Variants in PRKACB observed in about 807,000 individuals in gnomAD.
The protein encoded by PRKACB is cAMP-dependent protein kinase catalytic subunit beta.
In PRKACB, 16 loss-of-function variants were observed where a neutral mutation model predicts 51.4. That is an observed-to-expected ratio of 0.31 (90% confidence interval 0.21 to 0.47). The LOEUF is 0.47. Among genes scored for constraint, PRKACB ranks in the 20% least tolerant of loss-of-function variants. The probability of loss-of-function intolerance (pLI) is 1.00; values close to 1 mark genes in which losing one functional copy is unlikely to be tolerated. For missense variants in PRKACB, 309 were observed against 464.5 expected, an observed-to-expected ratio of 0.67 and a Z score of 3.08; for synonymous variants, 147 against 154.4, an observed-to-expected ratio of 0.95 and a Z score of 0.35.
At chr1:84,102,318 C>T (rs1190456835) in intron 1 of PRKACB, among the ~76,000 whole-genome samples, 3 of 151,830 alleles carry the variant, frequency 2.0e-5, no homozygotes, top group African/African-American at 4.8e-5. Flanking sequence ...ATCTGGGAGG[C>T]GGAGGTTGTA....
At chr1:84,205,824 T>A (rs959277452) in intron 8 of PRKACB, among the ~76,000 whole-genome samples, 1 of 151,966 alleles carries the variant, frequency 6.6e-6, no homozygotes, top group Admixed American at 6.6e-5. Flanking sequence ...ACAGAGGAGG[T>A]GGTATTTAAA....
intron 1 of PRKACB, among the ~76,000 whole-genome samples, chr1:84,106,073 G>C (rs1649721677): frequency 6.6e-6 from 1 of 152,110 alleles, no homozygotes; most frequent in Non-Finnish European, 1.5e-5. Context: ...TATACAGGAA[G>C]ATGTGCATAG....
chr1:84,178,142 G>C (rs879602549), intron 1 of PRKACB, among the ~76,000 whole-genome samples: 15 of 151,950 alleles, frequency 9.9e-5, no homozygotes, highest in Admixed American at 9.2e-4. Context: ...ACATTGGTAT[G>C]ACATTTATAA....
Position 84,144,548 on chromosome 1 carries a change from A to G in PRKACB, c.187A>G (p.Met63Val). 6.4e-7 allele frequency: 1 copy of G among 1,557,620 alleles called. No individual in the cohort carries two copies. Among genetic ancestry groups the G allele is most frequent in the Non-Finnish European group, 8.6e-7 (1 of 1,161,152 alleles). ...SEHTALWDRS[M>V]KEFLAKAKED... ...ACATACTGCCTTATGGGACAGATCA[A>G]GTAAGTTTTGTTTTTTAAATGATAC... Residue 63 changes from methionine (M) to valine (V), a missense_variant and splice_region_variant, in exon 1 of 10, where the codon ATG becomes GTG. Transcript: ENST00000370685.
At chr1:84,207,861 A>C (rs975391941) in intron 8 of PRKACB, among the ~76,000 whole-genome samples, 8 of 112,028 alleles carry the variant, frequency 7.1e-5, no homozygotes, top group Non-Finnish European at 1.3e-4. Flanking sequence ...TTTTCTTCTT[A>C]TTCATTTTTA....
At chr1:84,234,735 C>T (rs574421932) in intron 9 of PRKACB, among the ~76,000 whole-genome samples, 52 of 152,270 alleles carry the variant, frequency 3.4e-4, no homozygotes, top group African/African-American at 1.0e-3. Flanking sequence ...TGACCCCTTG[C>T]GCTTCCTGAG....
intron 1 of PRKACB, among the ~76,000 whole-genome samples, chr1:84,102,939 A>G (rs982558580): frequency 3.3e-5 from 5 of 152,158 alleles, no homozygotes; most frequent in Admixed American, 2.0e-4. Context: ...TGCAATTTCT[A>G]TTCCTATCTC....
intron 1 of PRKACB, among the ~76,000 whole-genome samples, chr1:84,115,201 C>CTTT (rs200269757): frequency 7.0e-6 from 1 of 143,208 alleles, no homozygotes; most frequent in Admixed American, 7.0e-5. Context: ...ATATCTGCTA[C>CTTT]TTTTTTTTTT....
rs541624050 is a variant in PRKACB at position 84,194,243 on chromosome 1, T to C, written c.561-2373T>C. 1.5e-4 allele frequency among the ~76,000 whole-genome samples: 23 copies of C among 152,322 alleles called. No homozygotes were observed. In the South Asian group the frequency reaches 1.7e-3, roughly 11 times the overall value. On this transcript the variant is annotated intron_variant, in intron 5 of 9. Coordinates refer to ENST00000370685, the MANE Select transcript of PRKACB (RefSeq NM_182948.4). The stretch of plus-strand genomic sequence containing the variant: ...TTAACTTTATATAATTGGTAACTTC[T>C]TTTCTTTGCAACTCCTCACAGTCTT...
rs576113832 is a variant in PRKACB, at chr1:84,177,039, A to G, written c.188-2138A>G. On this transcript the variant is annotated intron_variant, in intron 1 of 9. Coordinates refer to ENST00000370685, the MANE Select transcript of PRKACB (RefSeq NM_182948.4). ...CTCCAGATCCACTTAGCATAAAGTG[A>G]CAGGAGAAGCTGAAACAGGATGTTA... Among the ~76,000 whole-genome samples, 5 of 152,150 alleles carry G rather than the reference A, an allele frequency of 3.3e-5. No homozygotes were observed. The East Asian group carries it at 9.7e-4, about 29-fold the overall frequency.
At chr1:84,101,560 C>T (rs1649352691) in intron 1 of PRKACB, among the ~76,000 whole-genome samples, 1 of 152,150 alleles carries the variant, frequency 6.6e-6, no homozygotes. Context: ...ATTTATTACT[C>T]ATTCTTATCA....
intron 5 of PRKACB, among the ~76,000 whole-genome samples, chr1:84,191,024 G>C (rs914179672): frequency 2.0e-5 from 3 of 151,972 alleles, no homozygotes; most frequent in Non-Finnish European, 4.4e-5. Context: ...TTACATTCAG[G>C]GTTAGTAGTG....
At chr1:84,201,692 G>A (rs932201625) in intron 7 of PRKACB, among the ~76,000 whole-genome samples, 2 of 151,984 alleles carry the variant, frequency 1.3e-5, no homozygotes, top group African/African-American at 4.8e-5. Context: ...CAAAAGGGTG[G>A]AATGTGGTGA....
chr1:84,187,378 G>A lies in PRKACB; in HGVS notation c.560+2196G>A, dbSNP rs983109218. Among the ~76,000 whole-genome samples the A allele has an allele frequency of 4.6e-5, 7 of 152,022 alleles. No individual in the cohort carries two copies. In the East Asian group the frequency reaches 1.4e-3, roughly 29 times the overall value. ...AAGTGAAAAAGCAGGCATTAAGAGG[G>A]GTAAGAGTTTCATTACAATATGGAG... On this transcript the variant is annotated intron_variant, in intron 5 of 9. Transcript: ENST00000370685.
chr1:84,203,813 A>G (rs984147624), intron 8 of PRKACB, among the ~76,000 whole-genome samples: 7 of 151,450 alleles, frequency 4.6e-5, no homozygotes, highest in Admixed American at 4.6e-4. Context: ...TTTATTTTTT[A>G]TTTGTTTGCT....
chr1:84,100,593 C>A (rs909980170), intron 1 of PRKACB, among the ~76,000 whole-genome samples: 2 of 152,056 alleles, frequency 1.3e-5, no homozygotes, highest in Non-Finnish European at 2.9e-5. Context: ...TGATTCTAGG[C>A]CCTCTGCTCA....
At chr1:84,101,159 T>G (rs1649321671) in intron 1 of PRKACB, among the ~76,000 whole-genome samples, 1 of 152,076 alleles carries the variant, frequency 6.6e-6, no homozygotes, top group Non-Finnish European at 1.5e-5. Flanking sequence ...GCTAGGTAAG[T>G]CTAAAATCTA....
chr1:84,121,097 A>G (rs1651026249), intron 1 of PRKACB, among the ~76,000 whole-genome samples: 1 of 152,104 alleles, frequency 6.6e-6, no homozygotes, highest in African/African-American at 2.4e-5. Flanking sequence ...AGACTTAAAC[A>G]TCTTTTCTAA....
intron 1 of PRKACB, among the ~76,000 whole-genome samples, chr1:84,153,662 AATATT>A (rs1655106096): frequency 1.3e-5 from 2 of 152,098 alleles, no homozygotes; most frequent in African/African-American, 4.8e-5. Context: ...GACATTATGC[AATATT>A]TGTGTTTCTG....
Sources: allele counts gnomAD v4.1 joint callset (sites outside exome capture counted in the v4.1 genomes callset), GRCh38; gene constraint gnomAD v4.1.1; transcripts MANE v1.5; gene names NCBI Gene and HGNC (gene_info 2026-07-23, HGNC 2026-07-21).